Variants in BRSK2 observed in about 807,000 individuals in gnomAD.
The protein encoded by BRSK2 is serine/threonine-protein kinase BRSK2.
A neutral mutation model predicts 83.3 loss-of-function variants in BRSK2; 19 were observed. The ratio of observed to expected loss-of-function variants is 0.23; its 90% CI spans 0.16 to 0.33. BRSK2 has a LOEUF of 0.33. BRSK2 is among the 10% of genes least tolerant of loss of function. The pLI, the probability that BRSK2 is intolerant of heterozygous loss-of-function variation, is 1.00. For missense variants in BRSK2, 798 were observed against 1,042.3 expected (o/e 0.77, Z 3.23); for synonymous variants, 519 against 435.4 (o/e 1.19, Z -2.39).
At chr11:1,426,557 TG>T (rs1242361622) in intron 1 of BRSK2, among the ~76,000 whole-genome samples, 1 of 152,104 alleles carries the variant, frequency 6.6e-6, no homozygotes, top group Non-Finnish European at 1.5e-5. Context: ...GGGAAGGCCC[TG>T]GGTTGCTGGG....
At chr11:1,406,733 G>A (rs1192255367) in intron 1 of BRSK2, among the ~76,000 whole-genome samples, 5 of 152,234 alleles carry the variant, frequency 3.3e-5, no homozygotes, top group African/African-American at 1.2e-4. Context: ...GGAGGGTGCG[G>A]GGGTGGGCCT....
intron 19 of BRSK2, 64 bp from the exon 20 acceptor site, chr11:1,460,436 C>G (rs1317862082): frequency 2.8e-6 from 3 of 1,084,998 alleles, no homozygotes; most frequent in Non-Finnish European, 3.6e-6. Context: ...CCTCCTCTTT[C>G]TCTCCCCCTT....
intron 18 of BRSK2, among the ~76,000 whole-genome samples, chr11:1,457,862 C>A (rs1846823623): frequency 6.6e-6 from 1 of 152,164 alleles, no homozygotes; most frequent in Admixed American, 6.5e-5. Flanking sequence ...ACAGCCCTGG[C>A]CCTAACCGAA....
intron 1 of BRSK2, among the ~76,000 whole-genome samples, chr11:1,413,158 G>C (rs966965511): frequency 3.9e-5 from 6 of 152,120 alleles, no homozygotes; most frequent in Non-Finnish European, 2.9e-5. Context: ...TCTCTGACTG[G>C]AGCCAGCCAG....
At chr11:1,427,580 G>A (rs1230837991) in intron 1 of BRSK2, among the ~76,000 whole-genome samples, 3 of 152,300 alleles carry the variant, frequency 2.0e-5, no homozygotes, top group East Asian at 1.9e-4. Context: ...GGCACCCGCC[G>A]GCACACGCTC....
intron 1 of BRSK2, among the ~76,000 whole-genome samples, chr11:1,418,075 T>C (rs1456101313): frequency 5.3e-5 from 8 of 149,784 alleles, no homozygotes; most frequent in Non-Finnish European, 1.2e-4. Flanking sequence ...GTTGGCTGTT[T>C]CTTCTCTTGA....
At position 1,443,500 on chromosome 11, in the gene BRSK2, C is replaced by T. The variant is rs762469213; in HGVS notation, c.645C>T (p.Pro215=). 1.5e-5 allele frequency: 24 copies of T among 1,599,514 alleles called. No individual in the cohort carries two copies. In the South Asian group the frequency reaches 2.5e-4, roughly 16 times the overall value. ...ILFALLVGAL[P]FDDDNLRQLL... is the part of the protein sequence containing the mutation. ...CCGGCCGCCCGCAGGGGGCTCTGCC[C>T]TTCGACGATGACAACTTGCGACAGC... Residue 215 remains proline, a synonymous_variant, in exon 8 of 20, where the codon CCC becomes CCT. Coordinates refer to ENST00000528841, the MANE Select transcript of BRSK2 (RefSeq NM_001256627.2).
At chr11:1,448,068 C>G (rs1423158803) in intron 12 of BRSK2, among the ~76,000 whole-genome samples, 2 of 152,160 alleles carry the variant, frequency 1.3e-5, no homozygotes, top group East Asian at 3.9e-4. Context: ...TGGCCCACGC[C>G]TGCCTGTGAG....
At chr11:1,435,260 C>CA (rs1850138221) in intron 1 of BRSK2, among the ~76,000 whole-genome samples, 2 of 78,500 alleles carry the variant, frequency 2.5e-5, no homozygotes, top group African/African-American at 1.0e-4. Context: ...GTGGGGGTCT[C>CA]GGCGGAGGAG....
intron 1 of BRSK2, among the ~76,000 whole-genome samples, chr11:1,425,220 C>G (rs1030637364): frequency 6.6e-6 from 1 of 152,204 alleles, no homozygotes; most frequent in Non-Finnish European, 1.5e-5. Flanking sequence ...CAGGTGGCTT[C>G]GGCTTAAGGC....
At chr11:1,446,040 G>C (rs1852008885) in intron 12 of BRSK2, 133 bp downstream of exon 12, 1 of 892,696 alleles carries the variant, frequency 1.1e-6, no homozygotes, top group South Asian at 1.7e-5. Flanking sequence ...GGGCTAAACT[G>C]GGCTTAGCTG....
chr11:1,450,499 A>G (rs1050330736), intron 13 of BRSK2, 88 bp from the exon 14 acceptor site: 7 of 642,484 alleles, frequency 1.1e-5, no homozygotes, highest in Middle Eastern at 2.9e-4. Flanking sequence ...AGCTGGCACC[A>G]CCCCTGGGCC....
chr11:1,446,168 G>T (rs1460262286), intron 12 of BRSK2, among the ~76,000 whole-genome samples: 2 of 149,612 alleles, frequency 1.3e-5, no homozygotes, highest in African/African-American at 4.9e-5. Context: ...AGCTGGGCTG[G>T]CCTGGGCTGG....
In BRSK2 at chr11:1,445,553, G is replaced by A. The variant is rs766259907; in HGVS notation, c.978-18G>A. 74 of 1,589,136 alleles carry A rather than the reference G, an allele frequency of 4.7e-5. No homozygotes were observed. The highest frequency in any genetic ancestry group is 1.3e-4 in the Admixed American group (7 of 55,164). ...GGCCCCGTGTGCCAGCGCGTCTCGCGCCTCTCGCCCGCTGTAGGGAGAACC... is the reference window on the plus strand; with the variant it reads ...GGCCCCGTGTGCCAGCGCGTCTCGCACCTCTCGCCCGCTGTAGGGAGAACC... On this transcript the variant is annotated intron_variant, in intron 10 of 19. Coordinates refer to ENST00000528841, the MANE Select transcript of BRSK2 (RefSeq NM_001256627.2).
intron 1 of BRSK2, among the ~76,000 whole-genome samples, chr11:1,421,501 C>G (rs186612919): frequency 3.0e-4 from 46 of 152,316 alleles, no homozygotes; most frequent in Middle Eastern, 3.4e-3. Flanking sequence ...GGCTGCAGTG[C>G]GTGTGAAATG....
At chr11:1,445,258 G>A in intron 9 of BRSK2, 36 bp from the exon 10 acceptor site, 1 of 1,579,214 alleles carries the variant, frequency 6.3e-7, no homozygotes, top group Non-Finnish European at 8.6e-7. Context: ...GGCCCGGCCG[G>A]AGCTGATGAG....
rs374367074 is a variant in BRSK2, at chr11:1,445,843, G to T, written c.1162G>T (p.Val388Leu). The T allele has an allele frequency of 6.2e-7, 1 of 1,612,232 alleles. No individual in the cohort carries two copies. The highest frequency in any genetic ancestry group is 8.5e-7 in the Non-Finnish European group (1 of 1,179,676). Reference sequence around the variant, plus strand: ...ACGCAAATCCATGGAGGTGCTCAGCGTGACGGACGGCGGCTCCCCGGTGCC... The same window carrying T: ...ACGCAAATCCATGGAGGTGCTCAGCTTGACGGACGGCGGCTCCCCGGTGCC... ...PERKSMEVLS[V>L]TDGGSPVPAR... Residue 388 changes from valine to leucine, a missense_variant, in exon 12 of 20, where the codon GTG (valine) becomes TTG (leucine). Physicochemically the swap from Val to Leu is conservative, Grantham distance 32 (BLOSUM62 1). Transcript: ENST00000528841.
intron 1 of BRSK2, among the ~76,000 whole-genome samples, chr11:1,407,963 C>T (rs1847020428): frequency 1.3e-5 from 2 of 152,172 alleles, no homozygotes. Flanking sequence ...TGGAGCTGAG[C>T]CCACCTGCCC....
chr11:1,440,934 G>A lies in BRSK2; in HGVS notation c.413+6G>A. The A allele has an allele frequency of 6.7e-7, 1 of 1,486,908 alleles. No individual in the cohort carries two copies. The allele number at this position is 1,486,908 out of a possible 1,614,324, so 92.1% of individuals were successfully genotyped here. On this transcript the variant is annotated splice_donor_region_variant and intron_variant, in intron 4 of 19. Transcript: ENST00000528841. The stretch of plus-strand genomic sequence containing the variant: ...TGCCACAGCCACTCCATATGGTGAG[G>A]CCCCACCCCTGGTGCCCCCCACTCC...
Sources: allele counts gnomAD v4.1 joint callset (sites outside exome capture counted in the v4.1 genomes callset), GRCh38; gene constraint gnomAD v4.1.1; transcripts MANE v1.5; gene names NCBI Gene and HGNC (gene_info 2026-07-23, HGNC 2026-07-21).